Variants in KIAA1549 observed in about 807,000 individuals in gnomAD.
KIAA1549 encodes the protein KIAA1549.
In KIAA1549, 70 loss-of-function variants were observed where a neutral mutation model predicts 156.4. The ratio of observed to expected loss-of-function variants is 0.45; its 90% CI spans 0.37 to 0.55. KIAA1549 has a LOEUF of 0.55. Among genes scored for constraint, KIAA1549 ranks in the 20% least tolerant of loss-of-function variants. The probability of loss-of-function intolerance (pLI) is 0.00; values close to 1 mark genes in which losing one functional copy is unlikely to be tolerated. For missense variants in KIAA1549, 2,428 were observed against 2,540.9 expected (o/e 0.96, Z 0.96); for synonymous variants, 1,103 against 1,066.4 (o/e 1.03, Z -0.67).
chr7:138,946,697 T>C (rs1030248848), intron 1 of KIAA1549, among the ~76,000 whole-genome samples: 5 of 152,114 alleles, frequency 3.3e-5, no homozygotes, highest in African/African-American at 1.2e-4. Flanking sequence ...GAGGATCACT[T>C]GAACTCTGGA....
intron 13 of KIAA1549, 52 bp downstream of exon 13, chr7:138,871,105 C>A: frequency 1.3e-6 from 2 of 1,551,228 alleles, no homozygotes; most frequent in East Asian, 2.3e-5. Context: ...GCATAAGCCA[C>A]CGGGCTTAGC....
chr7:138,844,252 A>C, intron 18 of KIAA1549, 65 bp downstream of exon 18: 1 of 1,590,866 alleles, frequency 6.3e-7, no homozygotes, highest in Admixed American at 1.7e-5. Context: ...GAGACACCTA[A>C]AATAAAGTTT....
In KIAA1549 at chr7:138,838,081, G is replaced by C. The variant is rs771690621; in HGVS notation, c.5678C>G (p.Ala1893Gly). 8.2e-6 allele frequency: 13 copies of C among 1,583,246 alleles called. No individual in the cohort carries two copies. The African/African-American group carries it at 1.5e-4, about 18-fold the overall frequency. Residue 1893 changes from alanine to glycine, a missense_variant, in exon 20 of 20, where the codon GCT becomes GGT. Coordinates refer to ENST00000422774, the MANE Select transcript of KIAA1549 (RefSeq NM_001164665.2). The stretch of plus-strand genomic sequence containing the variant: ...CCGGTGGGGGAGGTTCCCGGAAGGA[G>C]CTGAGGGCTCCCTGCCTGAAGTCCT... ...VPRTSGREPS[A>G]PSGNLPHRGL...
chr7:138,835,896 T>G lies in KIAA1549; in HGVS notation c.*2010A>C, dbSNP rs1809692403. The G allele has an allele frequency of 1.4e-5, 3 of 218,464 alleles. No homozygotes were observed. The highest frequency in any genetic ancestry group is 2.8e-5 in the Non-Finnish European group (3 of 108,752). 13.5% of individuals were successfully genotyped at this position (218,464 alleles called of 1,614,324 possible). A position where few individuals can be genotyped will look rare whatever the true frequency, so the allele number is the denominator to read the frequency against. On this transcript the variant is annotated 3_prime_UTR_variant, in exon 20 of 20. Coordinates refer to ENST00000422774, the MANE Select transcript of KIAA1549 (RefSeq NM_001164665.2). ...TTGAACGTCCTTGAGAGACTTACTC[T>G]CCTGCACTCCTTCTCTTTCAGAGGT...
intron 11 of KIAA1549, among the ~76,000 whole-genome samples, chr7:138,880,957 C>A (rs934747786): frequency 6.6e-6 from 1 of 152,222 alleles, no homozygotes; most frequent in Non-Finnish European, 1.5e-5. Context: ...AATGAAGTCA[C>A]AGCAGCTGCT....
At chr7:138,856,604 A>C (rs978485082) in intron 16 of KIAA1549, among the ~76,000 whole-genome samples, 1 of 152,190 alleles carries the variant, frequency 6.6e-6, no homozygotes, top group Non-Finnish European at 1.5e-5. Context: ...CCACCTGCTC[A>C]AGACCCTTCC....
chr7:138,837,551 G>A lies in KIAA1549; in HGVS notation c.*355C>T, dbSNP rs1809754379. 2.6e-6 allele frequency: 1 copy of A among 377,396 alleles called. No homozygotes were observed. The highest frequency in any genetic ancestry group is 4.7e-6 in the Non-Finnish European group (1 of 211,644). 23.4% of individuals were successfully genotyped at this position (377,396 alleles called of 1,614,324 possible). A position where few individuals can be genotyped will look rare whatever the true frequency, so the allele number is the denominator to read the frequency against. ...AGTCTCAATCCCACAGAAACGCTTG[G>A]TTCCTTTCATCCCTATGCTGTCTAT... On this transcript the variant is annotated 3_prime_UTR_variant, in exon 20 of 20. Transcript: ENST00000422774.
intron 1 of KIAA1549, among the ~76,000 whole-genome samples, chr7:138,924,460 CGAA>C (rs935788805): frequency 2.0e-5 from 3 of 152,088 alleles, no homozygotes; most frequent in African/African-American, 7.2e-5. Context: ...GATAAAATAA[CGAA>C]GAAGAGCAAC....
chr7:138,916,670 C>T, intron 2 of KIAA1549, 78 bp downstream of exon 2: 1 of 1,560,086 alleles, frequency 6.4e-7, no homozygotes, highest in Non-Finnish European at 8.7e-7. Flanking sequence ...CATGAAGCTC[C>T]AAGCCTCACA....
chr7:138,961,163 T>A (rs1458477148), intron 1 of KIAA1549, among the ~76,000 whole-genome samples: 1 of 152,208 alleles, frequency 6.6e-6, no homozygotes, highest in Non-Finnish European at 1.5e-5. Context: ...ACTGGGAGGT[T>A]AAAACCCCAT....
intron 2 of KIAA1549, among the ~76,000 whole-genome samples, chr7:138,916,183 C>A (rs1387360031): frequency 6.6e-6 from 1 of 152,208 alleles, no homozygotes; most frequent in African/African-American, 2.4e-5. Context: ...CCTATGAGAG[C>A]AAAGTGCAGT....
At chr7:138,967,168 A>C (rs1378842116) in intron 1 of KIAA1549, among the ~76,000 whole-genome samples, 1 of 152,212 alleles carries the variant, frequency 6.6e-6, no homozygotes, top group Non-Finnish European at 1.5e-5. Flanking sequence ...TGTGGAATAC[A>C]TGGACAAATG....
chr7:138,874,051 TTAG>T (rs1309131452), intron 12 of KIAA1549, among the ~76,000 whole-genome samples: 7 of 148,074 alleles, frequency 4.7e-5, no homozygotes, highest in African/African-American at 1.7e-4. Flanking sequence ...TATATTACTA[TTAG>T]TAATTATATA....
chr7:138,900,100 A>T (rs1563068925), intron 8 of KIAA1549, among the ~76,000 whole-genome samples: 1 of 152,164 alleles, frequency 6.6e-6, no homozygotes, highest in South Asian at 2.1e-4. Flanking sequence ...TGCAGCTGCT[A>T]CTTCTCTGTC....
In KIAA1549 at chr7:138,918,963, T is replaced by C. The variant is rs1278145329; in HGVS notation, c.663A>G (p.Ala221=). 3.1e-6 allele frequency: 5 copies of C among 1,613,934 alleles called. No individual in the cohort carries two copies. Among genetic ancestry groups the C allele is most frequent in the East Asian group, 2.2e-5 (1 of 44,894 alleles). The change falls in exon 2 of 20, where the codon GCA becomes GCG. Residue 221 remains alanine (A), a synonymous_variant. Transcript: ENST00000422774. The surrounding 1 kb of genome is among the most constrained non-coding windows in gnomAD (Gnocchi z 4.2). ...GWQNTTRQPA[A]YAESASHFHT... is the part of the protein sequence containing the mutation. ...GGAAATGACTGGCGGACTCAGCATA[T>C]GCCGCTGGTTGTCGCGTTGTGTTCT... is the stretch of plus-strand genomic sequence containing the variant.
At position 138,832,053 on chromosome 7, in the gene KIAA1549, T is replaced by C. The variant is rs1809547796; in HGVS notation, c.*5853A>G. On this transcript the variant is annotated 3_prime_UTR_variant, in exon 20 of 20. Transcript: ENST00000422774. ...CAACTTGTACACTTAGGGAGTCAAG[T>C]TATGAATACTTGAAATCTGGTAAGT... The C allele has an allele frequency of 4.3e-6, 1 of 231,714 alleles. No homozygotes were observed. The highest frequency in any genetic ancestry group is 6.1e-5 in the East Asian group (1 of 16,386). 14.4% of individuals were successfully genotyped at this position (231,714 alleles called of 1,614,324 possible).
intron 1 of KIAA1549, among the ~76,000 whole-genome samples, chr7:138,953,219 G>A (rs1326080536): frequency 6.6e-6 from 1 of 152,134 alleles, no homozygotes; most frequent in Non-Finnish European, 1.5e-5. Context: ...AGCCAGGCAT[G>A]GTGGTGCACA....
intron 14 of KIAA1549, among the ~76,000 whole-genome samples, chr7:138,868,665 C>G (rs554611206): frequency 1.3e-5 from 2 of 152,274 alleles, no homozygotes; most frequent in Non-Finnish European, 1.5e-5. Context: ...TAACTCCTGA[C>G]CTCGTGATCC....
chr7:138,959,407 G>A (rs771080068), intron 1 of KIAA1549, among the ~76,000 whole-genome samples: 26 of 152,138 alleles, frequency 1.7e-4, no homozygotes, highest in Non-Finnish European at 3.1e-4. Context: ...CGCTAACGGG[G>A]CTCCCATCAT....
Sources: allele counts gnomAD v4.1 joint callset (sites outside exome capture counted in the v4.1 genomes callset), GRCh38; gene constraint gnomAD v4.1.1; non-coding constraint Gnocchi (gnomAD v3.1); transcripts MANE v1.5; gene names NCBI Gene and HGNC (gene_info 2026-07-23, HGNC 2026-07-21).